MYT1L: variants seen among roughly 807,000 people sequenced by gnomAD.
The protein encoded by MYT1L is myelin transcription factor 1-like protein.
Under a neutral mutation model 126.7 loss-of-function variants are expected in MYT1L, and 12 were observed. The observed-to-expected ratio is 0.09, with a 90% CI of 0.06 to 0.15. The LOEUF is 0.15. Ranked by LOEUF, MYT1L falls within the 10% of genes least tolerant of loss-of-function variation. MYT1L has a pLI of 1.00. For synonymous variants in MYT1L, 541 were observed against 604.2 expected, an observed-to-expected ratio of 0.90 and a Z score of 1.53; for missense variants, 979 against 1,585.2, an observed-to-expected ratio of 0.62 and a Z score of 6.49.
intron 3 of MYT1L, among the ~76,000 whole-genome samples, chr2:2,097,495 T>C (rs1425094954): frequency 6.6e-6 from 1 of 152,166 alleles, no homozygotes; most frequent in Non-Finnish European, 1.5e-5. Context: ...CTCATCTCAT[T>C]AGGCCACACA....
intron 3 of MYT1L, among the ~76,000 whole-genome samples, chr2:2,063,746 A>G (rs2070851036): frequency 1.3e-5 from 2 of 152,114 alleles, no homozygotes; most frequent in South Asian, 4.1e-4. Context: ...CGGTATGCTG[A>G]GGGAGGAGAA....
intron 5 of MYT1L, among the ~76,000 whole-genome samples, chr2:1,985,331 A>G (rs762312822): frequency 8.5e-5 from 13 of 152,226 alleles, no homozygotes; most frequent in Non-Finnish European, 1.8e-4. Flanking sequence ...AATGTTGAAG[A>G]GAAACTGGAA....
chr2:1,829,897 G>A (rs1455424665), intron 21 of MYT1L, among the ~76,000 whole-genome samples: 3 of 152,280 alleles, frequency 2.0e-5, no homozygotes, highest in Non-Finnish European at 4.4e-5. Flanking sequence ...TGCACCCAGC[G>A]AACACATGGC....
chr2:2,039,919 G>A (rs947997949), intron 4 of MYT1L, among the ~76,000 whole-genome samples: 7 of 152,176 alleles, frequency 4.6e-5, no homozygotes, highest in African/African-American at 1.7e-4. Flanking sequence ...TGCAAGAAGC[G>A]AGGTGGCTAA....
At chr2:2,001,923 T>C (rs1017755606) in intron 4 of MYT1L, among the ~76,000 whole-genome samples, 1 of 152,194 alleles carries the variant, frequency 6.6e-6, no homozygotes, top group Non-Finnish European at 1.5e-5. Flanking sequence ...GGTCACCTTC[T>C]TTCTACATGG....
chr2:2,003,927 CTTCTTTCCTGCATGAG>C (rs1268970403), intron 4 of MYT1L, among the ~76,000 whole-genome samples: 17 of 151,698 alleles, frequency 1.1e-4, no homozygotes, highest in East Asian at 3.9e-4. Flanking sequence ...TCGTGCATGC[CTTCTTTCCTGCATGAG>C]TTCTTTCCTG....
In MYT1L at chr2:1,963,452, A is replaced by C. The variant is rs138319094; in HGVS notation, c.152+15713T>G. Among the ~76,000 whole-genome samples the C allele has an allele frequency of 4.0e-3, 602 of 152,386 alleles. 8 individuals carry two copies. Among genetic ancestry groups the C allele is most frequent in the African/African-American group, 0.014 (583 of 41,594 alleles). ...GTCACCAACTCCATTAGCTCAGAAC[A>C]AGAGAGACAGCCTGTCCTTTGAAGC... is the stretch of plus-strand genomic sequence containing the variant. On this transcript the variant is annotated intron_variant, in intron 8 of 24. Coordinates refer to ENST00000647738, the MANE Select transcript of MYT1L (RefSeq NM_001303052.2).
At chr2:2,046,805 C>T (rs1303891494) in intron 4 of MYT1L, among the ~76,000 whole-genome samples, 1 of 152,186 alleles carries the variant, frequency 6.6e-6, no homozygotes, top group Non-Finnish European at 1.5e-5. Flanking sequence ...CCTTTCTGAG[C>T]TTCATTGATA....
At chr2:2,218,588 T>C (rs143171327) in intron 2 of MYT1L, among the ~76,000 whole-genome samples, 210 of 152,270 alleles carry the variant, frequency 1.4e-3, no homozygotes, top group African/African-American at 4.8e-3. Flanking sequence ...AGGGAGAGGC[T>C]ACAAAGGAGC....
At chr2:1,977,258 G>C (rs978877947) in intron 8 of MYT1L, among the ~76,000 whole-genome samples, 2 of 152,158 alleles carry the variant, frequency 1.3e-5, no homozygotes, top group African/African-American at 4.8e-5. Flanking sequence ...GCAAGTTTCC[G>C]AAGGAAGAAA....
chr2:1,932,345 G>A (rs1378988604), intron 9 of MYT1L, among the ~76,000 whole-genome samples: 2 of 152,204 alleles, frequency 1.3e-5, no homozygotes, highest in African/African-American at 2.4e-5. Flanking sequence ...GGGCAATGTA[G>A]CACAACCCTT....
intron 2 of MYT1L, among the ~76,000 whole-genome samples, chr2:2,210,194 T>C (rs1041793021): frequency 6.6e-6 from 1 of 152,152 alleles, no homozygotes; most frequent in Non-Finnish European, 1.5e-5. Context: ...TGATTATTGA[T>C]CCCTTGTCAG....
At chr2:2,214,981 A>G (rs1331481535) in intron 2 of MYT1L, among the ~76,000 whole-genome samples, 1 of 152,220 alleles carries the variant, frequency 6.6e-6, no homozygotes, top group Admixed American at 6.5e-5. Flanking sequence ...CTTATACTAC[A>G]TGTGAAGTGG....
chr2:1,969,863 G>C (rs557403694), intron 8 of MYT1L, among the ~76,000 whole-genome samples: 1 of 152,242 alleles, frequency 6.6e-6, no homozygotes, highest in South Asian at 2.1e-4. Context: ...AGTCATCCTC[G>C]GCACTTCCTC....
chr2:2,053,771 T>C (rs1208917647), intron 4 of MYT1L, among the ~76,000 whole-genome samples: 1 of 152,242 alleles, frequency 6.6e-6, no homozygotes, highest in Non-Finnish European at 1.5e-5. Flanking sequence ...TACTTGAGTC[T>C]ATGTTTACCA....
intron 2 of MYT1L, among the ~76,000 whole-genome samples, chr2:2,279,545 GAAAGA>G (rs1225491922): frequency 6.8e-6 from 1 of 146,942 alleles, no homozygotes; most frequent in African/African-American, 2.5e-5. Flanking sequence ...AGGAGAGAGA[GAAAGA>G]GAGAAGGAAT....
Position 1,954,168 on chromosome 2 carries a change from A to G in MYT1L, c.153-10834T>C, listed in dbSNP as rs542933642. ...AAAGTCAAAGCCTCAGGTTGTACAG[A>G]GCTAGACGTTCCACCCTCTAAGCAA... On this transcript the variant is annotated intron_variant, in intron 8 of 24. Transcript: ENST00000647738. Among the ~76,000 whole-genome samples, 40 of 152,290 alleles carry G rather than the reference A, an allele frequency of 2.6e-4. No homozygotes were observed. In the South Asian group the frequency reaches 6.0e-3, roughly 23 times the overall value.
chr2:1,891,602 C>T (rs895783157), intron 15 of MYT1L, among the ~76,000 whole-genome samples: 2 of 152,300 alleles, frequency 1.3e-5, no homozygotes, highest in South Asian at 4.1e-4. Flanking sequence ...TTCCCTGCTA[C>T]CCAGGAGTCC....
At chr2:2,107,112 C>A (rs2150535196) in intron 3 of MYT1L, among the ~76,000 whole-genome samples, 1 of 152,292 alleles carries the variant, frequency 6.6e-6, no homozygotes, top group Middle Eastern at 3.4e-3. Flanking sequence ...CAGCCCAGGA[C>A]CTGGCACACA....
Sources: allele counts gnomAD v4.1 joint callset (sites outside exome capture counted in the v4.1 genomes callset), GRCh38; gene constraint gnomAD v4.1.1; transcripts MANE v1.5; gene names NCBI Gene and HGNC (gene_info 2026-07-23, HGNC 2026-07-21).